Variants in CD5L observed in about 807,000 individuals in gnomAD.
CD5L encodes the protein CD5 antigen-like.
Under a neutral mutation model 40.8 loss-of-function variants are expected in CD5L, and 39 were observed. That is an observed-to-expected ratio of 0.96 (90% CI 0.74 to 1.25). CD5L has a LOEUF of 1.25. Ranked by LOEUF, CD5L falls within the 50% of genes most tolerant of loss-of-function variation. CD5L has a pLI of 0.00. For synonymous variants in CD5L, 192 were observed against 169.6 expected (o/e 1.13, Z -1.03); for missense variants, 433 against 435.9 (o/e 0.99, Z 0.06).
rs776477589 is a variant in CD5L at position 157,831,181 on chromosome 1, C to A, written c.*783G>T. On this transcript the variant is annotated 3_prime_UTR_variant, in exon 6 of 6. Coordinates refer to ENST00000368174, the MANE Select transcript of CD5L (RefSeq NM_005894.3). ...CTCTTTCTTGACCTTTTCCCAGTAA[C>A]CAATATATTTTTCTTTGAATAAAGT... is the stretch of plus-strand genomic sequence containing the variant. 1.0e-6 allele frequency: 1 copy of A among 985,210 alleles called. No homozygotes were observed. The highest frequency in any genetic ancestry group is 1.2e-6 in the Non-Finnish European group (1 of 829,746). 61.0% of individuals were successfully genotyped at this position (985,210 alleles called of 1,614,324 possible). A position where few individuals can be genotyped will look rare whatever the true frequency, so the allele number is the denominator to read the frequency against.
At chr1:157,839,231 G>A (rs999119711) in intron 2 of CD5L, among the ~76,000 whole-genome samples, 153 bp downstream of exon 2, 4 of 152,140 alleles carry the variant, frequency 2.6e-5, no homozygotes, top group Admixed American at 1.3e-4. Context: ...GTGGAAATCT[G>A]CCCACACAAG....
At position 157,834,699 on chromosome 1, in the gene CD5L, G is replaced by A. The variant is rs748603519; in HGVS notation, c.426C>T (p.Asp142=). The change falls in exon 4 of 6, where the codon GAC becomes GAT. Residue 142 remains aspartate (D), a synonymous_variant. Transcript: ENST00000368174. Reference sequence around the variant, plus strand: ...CGCGTCCCTTGCAATGCCCAGGGCCGTCAGCCAGCCTGACACCCTCTGGGA... The same window carrying A: ...CGCGTCCCTTGCAATGCCCAGGGCCATCAGCCAGCCTGACACCCTCTGGGA... ...SPVPEGVRLA[D]GPGHCKGRVE... 1.9e-6 allele frequency: 3 copies of A among 1,614,134 alleles called. No homozygotes were observed. The highest frequency in any genetic ancestry group is 3.3e-5 in the Admixed American group (2 of 60,026).
intron 2 of CD5L, among the ~76,000 whole-genome samples, chr1:157,838,068 G>A (rs920858654): frequency 6.6e-6 from 1 of 151,984 alleles, no homozygotes; most frequent in East Asian, 1.9e-4. Flanking sequence ...GAGCCACCAC[G>A]CCTGGCCTAA....
chr1:157,839,385 T>C lies in CD5L; in HGVS notation c.54A>G (p.Leu18=), dbSNP rs1283264733. The change falls in exon 2 of 6, where the codon CTA becomes CTG. Residue 18 remains leucine, a splice_region_variant and synonymous_variant. Coordinates refer to ENST00000368174, the MANE Select transcript of CD5L (RefSeq NM_005894.3). ...CTCAGAAACCCCCAAAAATCTTACC[T>C]AGGAATCCAGGTCTGGTGCAAATGG... ...ILAICTRPGF[L]ASPSGVRLVG... is the part of the protein sequence containing the mutation. 2.5e-6 allele frequency: 4 copies of C among 1,613,500 alleles called. No homozygotes were observed. The South Asian group carries it at 4.4e-5, about 18-fold the overall frequency.
At position 157,831,873 on chromosome 1, in the gene CD5L, C is replaced by T. The variant is rs1656060376; in HGVS notation, c.*91G>A. 2.7e-6 allele frequency: 4 copies of T among 1,486,532 alleles called. No individual in the cohort carries two copies. In the South Asian group the frequency reaches 4.6e-5, roughly 17 times the overall value. The allele number at this position is 1,486,532 out of a possible 1,614,324, so 92.1% of individuals were successfully genotyped here. A position where few individuals can be genotyped will look rare whatever the true frequency, so the allele number is the denominator to read the frequency against. ...GAGGGAGTAGTGGCTCAAGCCTGAG[C>T]CCCAGAATGAGTATGAGGATAATCA... On this transcript the variant is annotated 3_prime_UTR_variant, in exon 6 of 6. Transcript: ENST00000368174.
downstream of CD5L, among the ~76,000 whole-genome samples, chr1:157,830,553 G>C (rs573617871): frequency 6.6e-6 from 1 of 152,290 alleles, no homozygotes; most frequent in South Asian, 2.1e-4. Flanking sequence ...TGATTGAACT[G>C]TTTTGACAGA....
Position 157,835,998 on chromosome 1 carries a change from G to A in CD5L, c.213C>T (p.Ser71=), listed in dbSNP as rs1466404074. The change falls in exon 3 of 6, where the codon AGC becomes AGT. Residue 71 remains serine, a synonymous_variant. Coordinates refer to ENST00000368174, the MANE Select transcript of CD5L (RefSeq NM_005894.3). ...CATACAAAATACCACTAGGGGTTCC[G>A]CTGGCAGCTCCACAGCCCAGCTCCC... is the stretch of plus-strand genomic sequence containing the variant. ...LCRELGCGAA[S]GTPSGILYEP... The A allele has an allele frequency of 8.7e-6, 14 of 1,614,070 alleles. No homozygotes were observed. The highest frequency in any genetic ancestry group is 1.1e-5 in the South Asian group (1 of 91,074).
intron 2 of CD5L, among the ~76,000 whole-genome samples, chr1:157,837,125 A>T (rs1186484717): frequency 6.6e-6 from 1 of 152,130 alleles, no homozygotes; most frequent in African/African-American, 2.4e-5. Context: ...TACAAATATT[A>T]GCCAGAAATC....
chr1:157,829,508 G>A (rs1655990029), downstream of CD5L, among the ~76,000 whole-genome samples: 1 of 152,056 alleles, frequency 6.6e-6, no homozygotes, highest in African/African-American at 2.4e-5. Flanking sequence ...AGAATTATTG[G>A]GCATTTATAC....
chr1:157,830,969 AT>A lies in CD5L; in HGVS notation c.*994del. The A allele has an allele frequency of 1.0e-6, 1 of 985,326 alleles. No homozygotes were observed. The highest frequency in any genetic ancestry group is 1.2e-6 in the Non-Finnish European group (1 of 829,810). 61.0% of individuals were successfully genotyped at this position (985,326 alleles called of 1,614,324 possible). A position where few individuals can be genotyped will look rare whatever the true frequency, so the allele number is the denominator to read the frequency against. On this transcript the variant is annotated 3_prime_UTR_variant, in exon 6 of 6. Coordinates refer to ENST00000368174, the MANE Select transcript of CD5L (RefSeq NM_005894.3). ...AGTGTAAATGTGTAAATGTAGCCGTATAATAAGTACTCAGCCTAGCCTCAGA... is the reference window on the plus strand; with the variant it reads ...AGTGTAAATGTGTAAATGTAGCCGTAAATAAGTACTCAGCCTAGCCTCAGA...
intron 5 of CD5L, among the ~76,000 whole-genome samples, chr1:157,832,723 G>C (rs2765498): frequency 0.75 from 114,628 of 152,068 alleles, 43,431 homozygotes; most frequent in South Asian, 0.85. Flanking sequence ...AACCCTCTTT[G>C]ATAGTTTAAC....
chr1:157,837,206 G>C (rs560262678), intron 2 of CD5L, among the ~76,000 whole-genome samples: 12 of 152,254 alleles, frequency 7.9e-5, no homozygotes, highest in African/African-American at 2.9e-4. Context: ...GGGCAACAGA[G>C]CAAGACTCCA....
At chr1:157,828,980 T>G (rs1404924224), downstream of CD5L, among the ~76,000 whole-genome samples, 1 of 152,220 alleles carries the variant, frequency 6.6e-6, no homozygotes, top group African/African-American at 2.4e-5. Context: ...TATCTCCACA[T>G]GGAGATCTAA....
At chr1:157,828,656 A>G (rs1655966356), downstream of CD5L, among the ~76,000 whole-genome samples, 2 of 152,146 alleles carry the variant, frequency 1.3e-5, no homozygotes, top group African/African-American at 2.4e-5. Context: ...GCAGTAACCA[A>G]CTCATTAATG....
At position 157,836,033 on chromosome 1, in the gene CD5L, C is replaced by T; in HGVS notation, c.178G>A (p.Val60Met). 2 of 1,614,228 alleles carry T rather than the reference C, an allele frequency of 1.2e-6. No homozygotes were observed. The highest frequency in any genetic ancestry group is 1.7e-6 in the Non-Finnish European group (2 of 1,180,038). The change falls in exon 3 of 6, where the codon GTG becomes ATG. Residue 60 changes from valine to methionine, a missense_variant. Physicochemically the swap from Val to Met is conservative, Grantham distance 21. Coordinates refer to ENST00000368174, the MANE Select transcript of CD5L (RefSeq NM_005894.3). ...CCACAGCCCAGCTCCCGGCACAACA[C>T]AGCCACGTCCTTAATGTCCCAGCCG... is the stretch of plus-strand genomic sequence containing the variant. ...DDGWDIKDVAVLCRELGCGAA... is the reference protein window; with the variant it reads ...DDGWDIKDVAMLCRELGCGAA...
At chr1:157,829,972 C>T (rs74650137), downstream of CD5L, among the ~76,000 whole-genome samples, 1,046 of 152,228 alleles carry the variant, frequency 6.9e-3, 8 homozygotes, top group Non-Finnish European at 0.01. Flanking sequence ...GGGCTTCCTC[C>T]GGTTCTCTGA....
chr1:157,827,676 T>C (rs1655939974), downstream of CD5L, among the ~76,000 whole-genome samples: 1 of 152,176 alleles, frequency 6.6e-6, no homozygotes, highest in African/African-American at 2.4e-5. Flanking sequence ...TGCTAACTCA[T>C]CTGGAAACAT....
In CD5L at chr1:157,834,690, C is replaced by T. The variant is rs755519898; in HGVS notation, c.435G>A (p.Gly145=). Residue 145 remains glycine, a synonymous_variant, in exon 4 of 6, where the codon GGG becomes GGA. Transcript: ENST00000368174. ...PEGVRLADGP[G]HCKGRVEVKH... is the part of the protein sequence containing the mutation. ...TCACTTCCACGCGTCCCTTGCAATG[C>T]CCAGGGCCGTCAGCCAGCCTGACAC... 8 of 1,614,068 alleles carry T rather than the reference C, an allele frequency of 5.0e-6. No individual in the cohort carries two copies. The Admixed American group carries it at 1.2e-4, about 24-fold the overall frequency.
Position 157,833,312 on chromosome 1 carries a change from G to C in CD5L, c.919C>G (p.Arg307Gly). ...CAACGAACATTATCCAGCCAGATGCGGCCAACCCCAGGGCCATAGCATTTC... is the reference window on the plus strand; with the variant it reads ...CAACGAACATTATCCAGCCAGATGCCGCCAACCCCAGGGCCATAGCATTTC... ...DRKCYGPGVG[R>G]IWLDNVRCSG... Residue 307 changes from arginine to glycine, a missense_variant, in exon 5 of 6, where the codon CGC (arginine) becomes GGC (glycine). Transcript: ENST00000368174. 3 of 1,614,100 alleles carry C rather than the reference G, an allele frequency of 1.9e-6. No individual in the cohort carries two copies. Among genetic ancestry groups the C allele is most frequent in the Non-Finnish European group, 1.7e-6 (2 of 1,180,020 alleles).
Sources: gnomAD v4.1 joint callset for allele counts (sites outside exome capture counted in the v4.1 genomes callset) on GRCh38, gnomAD v4.1.1 for gene constraint, MANE v1.5 for transcripts, NCBI Gene and HGNC (gene_info 2026-07-23, HGNC 2026-07-21) for gene names.